SMOC2: variants seen among roughly 807,000 people sequenced by gnomAD.
SMOC2 encodes SPARC-related modular calcium-binding protein 2.
Under a neutral mutation model 61.4 loss-of-function variants are expected in SMOC2, and 39 were observed. That is an observed-to-expected ratio of 0.64 (90% CI 0.49 to 0.83). The LOEUF is 0.83. SMOC2 is among the 40% of genes least tolerant of loss of function. SMOC2 has a pLI of 0.00. For synonymous variants in SMOC2, 247 were observed against 239.9 expected (o/e 1.03, Z -0.27); for missense variants, 556 against 592.9 (o/e 0.94, Z 0.65).
At chr6:168,470,040 G>A (rs550149460) in intron 1 of SMOC2, among the ~76,000 whole-genome samples, 70 of 152,316 alleles carry the variant, frequency 4.6e-4, no homozygotes, top group Middle Eastern at 3.4e-3. Context: ...TCCTTCTGCT[G>A]TGAGCCAAGG....
At chr6:168,542,085 A>G (rs1293422559) in intron 4 of SMOC2, among the ~76,000 whole-genome samples, 1 of 152,256 alleles carries the variant, frequency 6.6e-6, no homozygotes, top group Non-Finnish European at 1.5e-5. Context: ...TTATCAAAAT[A>G]TGATCATTTC....
At chr6:168,592,137 C>T (rs965446662) in intron 7 of SMOC2, among the ~76,000 whole-genome samples, 17 of 152,242 alleles carry the variant, frequency 1.1e-4, no homozygotes, top group Non-Finnish European at 2.2e-4. Flanking sequence ...GGTGACTCCA[C>T]CATGATCCTT....
intron 9 of SMOC2, among the ~76,000 whole-genome samples, chr6:168,641,322 A>G (rs1414051327): frequency 6.6e-6 from 1 of 152,076 alleles, no homozygotes. Context: ...AAGAAATCCC[A>G]CACACTCTAC....
rs372130355 is a variant in SMOC2 at position 168,445,135 on chromosome 6, T to G, written c.84+3681T>G. On this transcript the variant is annotated intron_variant, in intron 1 of 12. Coordinates refer to ENST00000356284, the MANE Select transcript of SMOC2 (RefSeq NM_001166412.2). The stretch of plus-strand genomic sequence containing the variant: ...GAGACTCTGAAGGGCACCTGGTCAC[T>G]AAGCAGATCCGAATATTTCTCAAGT... Among the ~76,000 whole-genome samples the G allele has an allele frequency of 5.9e-5, 9 of 152,368 alleles. No individual in the cohort carries two copies. The East Asian group carries it at 1.5e-3, about 26-fold the overall frequency.
chr6:168,510,866 G>A (rs1045907029), intron 2 of SMOC2, among the ~76,000 whole-genome samples: 14 of 152,148 alleles, frequency 9.2e-5, no homozygotes, highest in East Asian at 3.8e-4. Flanking sequence ...TGCAGACGAC[G>A]AAGGCAGAAT....
At chr6:168,608,089 G>C (rs1785757300) in intron 8 of SMOC2, 68 bp from the exon 9 acceptor site, 9 of 1,466,522 alleles carry the variant, frequency 6.1e-6, no homozygotes, top group Non-Finnish European at 7.5e-6. Flanking sequence ...AGAAATGGAA[G>C]ACAAACCACA....
intron 9 of SMOC2, among the ~76,000 whole-genome samples, chr6:168,612,942 T>TGATTTCATGGC (rs1014019955): frequency 2.0e-5 from 3 of 152,184 alleles, no homozygotes; most frequent in African/African-American, 7.2e-5. Context: ...TCAAAATAAG[T>TGATTTCATGGC]GATTTCATGG....
intron 9 of SMOC2, among the ~76,000 whole-genome samples, chr6:168,646,156 C>T (rs377488034): frequency 6.6e-6 from 1 of 152,238 alleles, no homozygotes; most frequent in Non-Finnish European, 1.5e-5. Context: ...TCCCCAGACA[C>T]TTCATGCCTG....
chr6:168,446,472 G>T (rs1240766938), intron 1 of SMOC2, among the ~76,000 whole-genome samples: 2 of 152,188 alleles, frequency 1.3e-5, no homozygotes, highest in Admixed American at 6.5e-5. Context: ...TAAAGAAATA[G>T]TCTTTAGAAC....
chr6:168,464,680 C>CCA (rs1415559029), intron 1 of SMOC2, among the ~76,000 whole-genome samples: 1 of 152,090 alleles, frequency 6.6e-6, no homozygotes, highest in African/African-American at 2.4e-5. Flanking sequence ...ATATCATGTG[C>CCA]CACAGCCTTT....
intron 2 of SMOC2, 140 bp from the exon 3 acceptor site, chr6:168,526,206 G>A: frequency 1.0e-5 from 7 of 685,600 alleles, no homozygotes; most frequent in Non-Finnish European, 1.8e-5. Flanking sequence ...TGAGAGCTGA[G>A]CTGCCTGTGA....
intron 9 of SMOC2, among the ~76,000 whole-genome samples, chr6:168,614,520 T>C (rs1785999802): frequency 1.5e-5 from 1 of 68,322 alleles, no homozygotes; most frequent in African/African-American, 6.6e-5. Flanking sequence ...GCACAGGGCC[T>C]CTTCACACCT....
At chr6:168,504,661 A>C (rs1406243582) in intron 1 of SMOC2, among the ~76,000 whole-genome samples, 2 of 152,038 alleles carry the variant, frequency 1.3e-5, no homozygotes, top group African/African-American at 4.8e-5. Flanking sequence ...ATCAGCTTTG[A>C]CTGATCTTCC....
At position 168,667,927 on chromosome 6, in the gene SMOC2, T is replaced by C. The variant is rs550521137; in HGVS notation, c.*1489T>C. 2.0e-5 allele frequency: 3 copies of C among 152,254 alleles called. No individual in the cohort carries two copies. The highest frequency in any genetic ancestry group is 7.2e-5 in the African/African-American group (3 of 41,466). 9.4% of individuals were successfully genotyped at this position (152,254 alleles called of 1,614,324 possible). On this transcript the variant is annotated 3_prime_UTR_variant, in exon 13 of 13. Coordinates refer to ENST00000356284, the MANE Select transcript of SMOC2 (RefSeq NM_001166412.2). Reference sequence around the variant, plus strand: ...GATCCTAAACTTTTTGGATAATCTTTTATATTTCTGACCTTTGAATTTAAT... The same window carrying C: ...GATCCTAAACTTTTTGGATAATCTTCTATATTTCTGACCTTTGAATTTAAT...
chr6:168,606,815 C>T (rs1440863980), intron 8 of SMOC2, among the ~76,000 whole-genome samples: 1 of 152,048 alleles, frequency 6.6e-6, no homozygotes, highest in African/African-American at 2.4e-5. Flanking sequence ...TTCTGGAGCC[C>T]CAAGACTGCA....
At chr6:168,595,366 A>G (rs76834761) in intron 7 of SMOC2, among the ~76,000 whole-genome samples, 2 of 152,142 alleles carry the variant, frequency 1.3e-5, no homozygotes, top group African/African-American at 4.8e-5. Flanking sequence ...AGGACCTGTC[A>G]TGTGCGAATT....
intron 7 of SMOC2, among the ~76,000 whole-genome samples, chr6:168,569,792 T>G (rs1057342886): frequency 6.6e-6 from 1 of 152,210 alleles, no homozygotes; most frequent in African/African-American, 2.4e-5. Flanking sequence ...ATTTTCTCCC[T>G]GTCTGCAGCT....
At chr6:168,606,517 T>TCTCTGGGGCCTCTGGGC (rs1785695791) in intron 8 of SMOC2, among the ~76,000 whole-genome samples, 1 of 152,152 alleles carries the variant, frequency 6.6e-6, no homozygotes, top group Non-Finnish European at 1.5e-5. Flanking sequence ...ACTGCTGGAC[T>TCTCTGGGGCCTCTGGGC]CTCTGGGGCC....
intron 7 of SMOC2, among the ~76,000 whole-genome samples, chr6:168,592,604 GCTC>G (rs1785218625): frequency 1.4e-5 from 2 of 139,532 alleles, no homozygotes; most frequent in African/African-American, 5.7e-5. Context: ...GGATCGCGGA[GCTC>G]CTCCTCCTTC....
Sources: gnomAD v4.1 joint callset for allele counts (sites outside exome capture counted in the v4.1 genomes callset) on GRCh38, gnomAD v4.1.1 for gene constraint, MANE v1.5 for transcripts, NCBI Gene and HGNC (gene_info 2026-07-23, HGNC 2026-07-21) for gene names.